The following PCDHA1 variants were observed in gnomAD, a reference collection of about 807,000 sequenced individuals.
PCDHA1 encodes the protein protocadherin alpha 1.
A neutral mutation model predicts 61.3 loss-of-function variants in PCDHA1; 42 were observed. That is an observed-to-expected ratio of 0.69 (90% CI 0.54 to 0.89). The LOEUF (loss-of-function observed/expected upper bound fraction) is 0.89, where lower values mean the gene tolerates loss of function less well. Ranked by LOEUF, PCDHA1 falls within the 40% of genes least tolerant of loss-of-function variation. The pLI is 0.00. For synonymous variants in PCDHA1, 610 were observed against 553.8 expected (o/e 1.10, Z -1.43); for missense variants, 1,256 against 1,235.3 (o/e 1.02, Z -0.25).
intron 1 of PCDHA1, among the ~76,000 whole-genome samples, chr5:140,798,834 A>C (rs1554120774): frequency 6.6e-6 from 1 of 152,228 alleles, no homozygotes. Flanking sequence ...GATGTATTGC[A>C]ATAAAATAAC....
chr5:140,876,297 A>G, intron 1 of PCDHA1: 1 of 1,614,092 alleles, frequency 6.2e-7, no homozygotes, highest in Non-Finnish European at 8.5e-7. Flanking sequence ...GACTTAATGG[A>G]GAAATTTCCT....
chr5:140,858,790 A>G, intron 1 of PCDHA1: 1 of 388,116 alleles, frequency 2.6e-6, no homozygotes, highest in Non-Finnish European at 4.7e-6. Context: ...ATGTTATTTC[A>G]TTTCCAATCT....
At chr5:140,810,256 G>T (rs1407131927) in intron 1 of PCDHA1, 3 of 152,158 alleles carry the variant, frequency 2.0e-5, no homozygotes, top group East Asian at 1.9e-4. Flanking sequence ...AATTTGCATT[G>T]TGCCTCAATG....
chr5:140,883,119 C>T, intron 1 of PCDHA1: 1 of 1,613,998 alleles, frequency 6.2e-7, no homozygotes, highest in Non-Finnish European at 8.5e-7. Context: ...TTTAGAAGGC[C>T]TGTATGGCCT....
chr5:140,873,441 TAAC>T (rs1439420468), intron 1 of PCDHA1, among the ~76,000 whole-genome samples: 3 of 152,200 alleles, frequency 2.0e-5, no homozygotes, highest in Non-Finnish European at 2.9e-5. Context: ...ATCACATAAA[TAAC>T]AAATTTGCAT....
chr5:140,885,049 A>T (rs1001120267), intron 1 of PCDHA1, among the ~76,000 whole-genome samples: 56 of 152,352 alleles, frequency 3.7e-4, no homozygotes, highest in African/African-American at 1.2e-3. Context: ...TTTAATGTAT[A>T]CATATACCCA....
intron 3 of PCDHA1, among the ~76,000 whole-genome samples, chr5:140,995,073 C>A (rs2097663037): frequency 6.6e-6 from 1 of 152,180 alleles, no homozygotes; most frequent in Non-Finnish European, 1.5e-5. Context: ...CAACCTACAG[C>A]AATCCAAACT....
At chr5:140,946,752 A>C (rs1470208958) in intron 1 of PCDHA1, among the ~76,000 whole-genome samples, 1 of 151,470 alleles carries the variant, frequency 6.6e-6, no homozygotes, top group East Asian at 1.9e-4. Context: ...CAAATACTGC[A>C]TGATCTCATT....
intron 1 of PCDHA1, among the ~76,000 whole-genome samples, chr5:140,918,244 T>C (rs1554198493): frequency 6.6e-6 from 1 of 152,236 alleles, no homozygotes; most frequent in South Asian, 2.1e-4. Flanking sequence ...TGATTTTGTA[T>C]GCTGAAACTT....
chr5:140,885,641 T>G (rs917089389), intron 1 of PCDHA1, among the ~76,000 whole-genome samples: 10 of 152,200 alleles, frequency 6.6e-5, no homozygotes, highest in Admixed American at 6.5e-4. Context: ...GCCTTCCAAG[T>G]ATTTTGGAAC....
At chr5:140,937,329 G>T (rs1406340473) in intron 1 of PCDHA1, among the ~76,000 whole-genome samples, 1 of 152,050 alleles carries the variant, frequency 6.6e-6, no homozygotes, top group Admixed American at 6.5e-5. Flanking sequence ...GAGCCACCGC[G>T]CCCGGCTTCT....
At chr5:140,883,642 C>T (rs200197885) in intron 1 of PCDHA1, 1 of 1,613,904 alleles carries the variant, frequency 6.2e-7, no homozygotes, top group South Asian at 1.1e-5. Context: ...TCGCGCAGCC[C>T]GAGTACACGG....
intron 1 of PCDHA1, chr5:140,797,098 G>A: frequency 6.2e-7 from 1 of 1,614,008 alleles, no homozygotes; most frequent in African/African-American, 1.3e-5. Context: ...CAGCCTGTTG[G>A]TGCTCACGGT....
At chr5:140,901,235 T>A (rs1554189665) in intron 1 of PCDHA1, among the ~76,000 whole-genome samples, 1 of 152,174 alleles carries the variant, frequency 6.6e-6, no homozygotes, top group African/African-American at 2.4e-5. Context: ...TATATCCATT[T>A]TTTTCCTTTG....
At chr5:140,802,744 A>G (rs782614211) in intron 1 of PCDHA1, 1 of 1,612,560 alleles carries the variant, frequency 6.2e-7, no homozygotes. Flanking sequence ...GAGAGCGGCA[A>G]GGTGTACGCG....
chr5:140,871,302 G>T lies in PCDHA1; in HGVS notation c.2394+82618G>T, dbSNP rs2052939724. ...CGCCCACTGAGGGCGCGTGCGCGCCGGGGAAGCCCACGCTGGTGTGCTCCC... is the reference window on the plus strand; with the variant it reads ...CGCCCACTGAGGGCGCGTGCGCGCCTGGGAAGCCCACGCTGGTGTGCTCCC... On this transcript the variant is annotated intron_variant, in intron 1 of 3. Coordinates refer to ENST00000504120, the MANE Select transcript of PCDHA1 (RefSeq NM_018900.4). 1.9e-6 allele frequency: 3 copies of T among 1,613,974 alleles called. 1 individual carries two copies. Among genetic ancestry groups the T allele is most frequent in the South Asian group, 2.2e-5 (2 of 91,078 alleles).
At chr5:140,885,280 A>G (rs2060543465) in intron 1 of PCDHA1, among the ~76,000 whole-genome samples, 2 of 152,138 alleles carry the variant, frequency 1.3e-5, no homozygotes, top group Admixed American at 6.5e-5. Context: ...ATATATATAC[A>G]TATATAGAGA....
chr5:140,904,039 A>T (rs947456842), intron 1 of PCDHA1, among the ~76,000 whole-genome samples: 5 of 152,138 alleles, frequency 3.3e-5, no homozygotes, highest in Non-Finnish European at 7.4e-5. Context: ...TAACTTTTTA[A>T]TTTTTTTATT....
At chr5:140,973,870 T>A (rs2153801427) in intron 1 of PCDHA1, among the ~76,000 whole-genome samples, 1 of 152,264 alleles carries the variant, frequency 6.6e-6, no homozygotes. Flanking sequence ...CAATGAGAGG[T>A]CAGAATAATG....
Sources: gnomAD v4.1 joint callset for allele counts (sites outside exome capture counted in the v4.1 genomes callset) on GRCh38, gnomAD v4.1.1 for gene constraint, MANE v1.5 for transcripts, NCBI Gene and HGNC (gene_info 2026-07-23, HGNC 2026-07-21) for gene names.